Variants in PDE4B observed in about 807,000 individuals in gnomAD.
PDE4B encodes the protein phosphodiesterase 4B.
Under a neutral mutation model 82.2 loss-of-function variants are expected in PDE4B, and 20 were observed. The ratio of observed to expected loss-of-function variants is 0.24; its 90% CI spans 0.17 to 0.35. The LOEUF is 0.35. Among genes scored for constraint, PDE4B ranks in the 10% least tolerant of loss-of-function variants. The probability of loss-of-function intolerance (pLI) is 1.00; values close to 1 mark genes in which losing one functional copy is unlikely to be tolerated. For missense variants in PDE4B, 655 were observed against 907.2 expected (o/e 0.72, Z 3.57); for synonymous variants, 320 against 318.9 (o/e 1.00, Z -0.04).
intron 7 of PDE4B, among the ~76,000 whole-genome samples, chr1:66,312,602 T>C (rs1399064867): frequency 6.6e-6 from 1 of 152,238 alleles, no homozygotes; most frequent in Non-Finnish European, 1.5e-5. Context: ...CTAGCAAACT[T>C]AACTCCATCT....
chr1:66,364,575 A>T (rs1379121092), intron 12 of PDE4B, among the ~76,000 whole-genome samples: 1 of 152,194 alleles, frequency 6.6e-6, no homozygotes, highest in African/African-American at 2.4e-5. Context: ...TTGGAAGGTG[A>T]AAAAAGATTG....
chr1:66,299,005 A>G (rs1386327591), intron 7 of PDE4B, among the ~76,000 whole-genome samples: 1 of 152,196 alleles, frequency 6.6e-6, no homozygotes, highest in African/African-American at 2.4e-5. Context: ...ATATATGTAT[A>G]CACTGCATAA....
intron 3 of PDE4B, among the ~76,000 whole-genome samples, chr1:66,159,246 T>A (rs1489928841): frequency 7.6e-6 from 1 of 131,542 alleles, no homozygotes; most frequent in Non-Finnish European, 1.6e-5. Flanking sequence ...AAAATAAAAC[T>A]TTTTTTTTTT....
intron 16 of PDE4B, among the ~76,000 whole-genome samples, chr1:66,372,033 C>T (rs1187155850): frequency 6.6e-6 from 1 of 152,198 alleles, no homozygotes; most frequent in Non-Finnish European, 1.5e-5. Context: ...CCACCAGTCA[C>T]TAGTTATGTG....
At chr1:65,891,425 T>TA (rs1346617877) in intron 1 of PDE4B, among the ~76,000 whole-genome samples, 2 of 152,114 alleles carry the variant, frequency 1.3e-5, no homozygotes, top group African/African-American at 4.8e-5. Context: ...TAGTACTTTT[T>TA]ATAGCCCTTA....
chr1:65,985,225 T>C (rs1169276121), intron 3 of PDE4B, among the ~76,000 whole-genome samples: 1 of 152,222 alleles, frequency 6.6e-6, no homozygotes, highest in Non-Finnish European at 1.5e-5. Context: ...ATATTGTCTC[T>C]GTGAAATAGC....
At chr1:65,979,107 G>A (rs1650558174) in intron 3 of PDE4B, among the ~76,000 whole-genome samples, 1 of 152,126 alleles carries the variant, frequency 6.6e-6, no homozygotes. Flanking sequence ...TTACTTTACT[G>A]AAATGAAGGT....
chr1:66,159,892 C>T (rs1646576584), intron 3 of PDE4B, among the ~76,000 whole-genome samples: 1 of 152,148 alleles, frequency 6.6e-6, no homozygotes, highest in South Asian at 2.1e-4. Flanking sequence ...CTTATTTGAT[C>T]TTTAAGTTCC....
At chr1:66,355,437 C>T in intron 8 of PDE4B, 90 bp from the exon 9 acceptor site, 2 of 739,810 alleles carry the variant, frequency 2.7e-6, no homozygotes, top group Non-Finnish European at 4.6e-6. Context: ...CATCCAACCT[C>T]TTGATTCCTG....
In PDE4B at chr1:66,332,590, C is replaced by T. The variant is rs140500253; in HGVS notation, c.717C>T (p.Tyr239=). The T allele has an allele frequency of 3.1e-6, 5 of 1,612,874 alleles. No individual in the cohort carries two copies. The African/African-American group carries it at 6.7e-5, about 22-fold the overall frequency. The change falls in exon 8 of 17, where the codon TAC becomes TAT. Residue 239 remains tyrosine (Y), a synonymous_variant. Transcript: ENST00000341517. The part of the protein sequence containing the change: ...CLDQLETIQT[Y]RSVSEMASNK... The stretch of plus-strand genomic sequence containing the variant: ...ACCAGCTAGAGACCATACAGACCTA[C>T]CGGTCTGTCAGTGAGATGGCTTCTA...
intron 7 of PDE4B, chr1:66,266,676 G>T: frequency 1.9e-6 from 1 of 528,046 alleles, no homozygotes; most frequent in Non-Finnish European, 3.9e-6. Flanking sequence ...TTTCAGGACA[G>T]TGCATCCACT....
chr1:66,180,632 G>A (rs987691724), intron 3 of PDE4B, among the ~76,000 whole-genome samples: 3 of 152,150 alleles, frequency 2.0e-5, no homozygotes, highest in Admixed American at 6.6e-5. Flanking sequence ...AATACTCCAG[G>A]GTAGGTAACA....
chr1:65,918,950 A>G (rs1647192708), intron 3 of PDE4B, 115 bp downstream of exon 3: 1 of 673,754 alleles, frequency 1.5e-6, no homozygotes, highest in Non-Finnish European at 2.6e-6. Context: ...GATGATTGAC[A>G]TTTTGAGAAT....
intron 3 of PDE4B, among the ~76,000 whole-genome samples, chr1:66,229,447 G>A (rs1018022328): frequency 6.6e-6 from 1 of 152,172 alleles, no homozygotes; most frequent in Admixed American, 6.5e-5. Flanking sequence ...AATTTTGTTC[G>A]TTTTGAGTTA....
In PDE4B at chr1:66,303,130, C is replaced by A. The variant is rs190491031; in HGVS notation, c.635-29378C>A. Among the ~76,000 whole-genome samples, 737 of 152,156 alleles carry A rather than the reference C, an allele frequency of 4.8e-3. 25 individuals carry two copies. The highest frequency in any genetic ancestry group is 0.045 in the Admixed American group (680 of 15,272). Reference sequence around the variant, plus strand: ...GTGGTTATTTTTTCACCATTGTAACCACAACACCTTGAACAGTAGACCCTG... The same window carrying A: ...GTGGTTATTTTTTCACCATTGTAACAACAACACCTTGAACAGTAGACCCTG... On this transcript the variant is annotated intron_variant, in intron 7 of 16. Transcript: ENST00000341517.
chr1:66,151,284 A>G (rs865866586), intron 3 of PDE4B, among the ~76,000 whole-genome samples: 2 of 151,990 alleles, frequency 1.3e-5, no homozygotes, highest in Middle Eastern at 3.2e-3. Context: ...AGCTGAAGTG[A>G]CTCCCCATTG....
intron 1 of PDE4B, among the ~76,000 whole-genome samples, chr1:65,874,220 T>A (rs2100312127): frequency 6.6e-6 from 1 of 151,744 alleles, no homozygotes; most frequent in African/African-American, 2.4e-5. Flanking sequence ...TCTCTGTTTG[T>A]CTGTTGTTGG....
At chr1:66,092,000 C>A (rs1412712719) in intron 3 of PDE4B, among the ~76,000 whole-genome samples, 2 of 151,960 alleles carry the variant, frequency 1.3e-5, no homozygotes, top group African/African-American at 2.4e-5. Context: ...GCAACATCGG[C>A]TATTCATCCT....
At chr1:66,119,130 A>G (rs1203614848) in intron 3 of PDE4B, among the ~76,000 whole-genome samples, 2 of 152,208 alleles carry the variant, frequency 1.3e-5, no homozygotes, top group African/African-American at 4.8e-5. Flanking sequence ...TGTAATCTCC[A>G]TGTGGCCAGC....
Sources: gnomAD v4.1 joint callset for allele counts (sites outside exome capture counted in the v4.1 genomes callset) on GRCh38, gnomAD v4.1.1 for gene constraint, MANE v1.5 for transcripts, NCBI Gene and HGNC (gene_info 2026-07-23, HGNC 2026-07-21) for gene names.